Variants in TENM1 observed in about 807,000 individuals in gnomAD.
TENM1 encodes teneurin transmembrane protein 1.
TENM1 carries 35 observed loss-of-function variants against 174.8 expected under a neutral mutation model. The ratio of observed to expected loss-of-function variants is 0.20; its 90% CI spans 0.15 to 0.27. TENM1 has a LOEUF of 0.27. TENM1 is among the 10% of genes least tolerant of loss of function. The probability of loss-of-function intolerance (pLI) is 1.00; values close to 1 mark genes in which losing one functional copy is unlikely to be tolerated. For synonymous variants in TENM1, 781 were observed against 798.7 expected (o/e 0.98, Z 0.37); for missense variants, 1,633 against 2,130.1 (o/e 0.77, Z 4.59).
intron 5 of TENM1, among the ~76,000 whole-genome samples, chrX:124,683,379 A>T (rs2052283198): frequency 8.9e-6 from 1 of 112,075 alleles, no homozygotes; most frequent in African/African-American, 3.2e-5. Context: ...TTTAGTACTG[A>T]AGTAATTTGA....
the TENM1 span, among the ~76,000 whole-genome samples, chrX:125,112,372 AT>A: frequency 9.1e-6 from 1 of 110,274 alleles, no homozygotes; most frequent in Non-Finnish European, 1.9e-5. Context: ...AGGAAAAAGT[AT>A]TTTTATGGCC....
At chrX:124,384,334 A>G in exon 30 of TENM1, 2 of 1,210,665 alleles carry the variant, frequency 1.7e-6, no homozygotes, top group Non-Finnish European at 2.2e-6. Context: ...ATCGGAGAGG[A>G]GTAAGACGAG....
At chrX:124,687,459 C>T (rs2052395839) in intron 5 of TENM1, among the ~76,000 whole-genome samples, 1 of 111,879 alleles carries the variant, frequency 8.9e-6, no homozygotes, top group Non-Finnish European at 1.9e-5. Context: ...AAAAGTAAAA[C>T]CCCAAACCAT....
chrX:124,471,320 TTATAATATATAGTACTA>T (rs2061314242), intron 22 of TENM1, among the ~76,000 whole-genome samples: 1 of 10,743 alleles, frequency 9.3e-5, no homozygotes, highest in African/African-American at 4.1e-4. Flanking sequence ...GTACTATATA[TTATAATATATAGTACTA>T]TATATAATAT....
At chrX:124,924,716 A>G (rs1344535744) in intron 1 of TENM1, among the ~76,000 whole-genome samples, 1 of 111,763 alleles carries the variant, frequency 8.9e-6, no homozygotes, top group African/African-American at 3.3e-5. Flanking sequence ...TTTTCCGGAC[A>G]GGGATGAAAA....
At chrX:124,876,308 C>G (rs1046053893) in intron 3 of TENM1, among the ~76,000 whole-genome samples, 7 of 111,576 alleles carry the variant, frequency 6.3e-5, no homozygotes, top group Non-Finnish European at 9.4e-5. Context: ...TTTGGTTTAT[C>G]TACATTGATG....
At chrX:124,704,980 G>T in intron 5 of TENM1, 33 bp downstream of exon 8, 1 of 1,109,630 alleles carries the variant, frequency 9.0e-7, no homozygotes, top group South Asian at 2.0e-5. Flanking sequence ...CTTTGATTAA[G>T]AACAAAACTG....
At chrX:124,708,108 A>AC (rs1215321397) in intron 4 of TENM1, among the ~76,000 whole-genome samples, 2 of 112,715 alleles carry the variant, frequency 1.8e-5, no homozygotes, top group African/African-American at 6.4e-5. Context: ...ATTTTAATGT[A>AC]CAACAAAAAA....
intron 3 of TENM1, among the ~76,000 whole-genome samples, chrX:124,760,938 G>A (rs1187114742): frequency 8.9e-6 from 1 of 112,112 alleles, no homozygotes; most frequent in African/African-American, 3.2e-5. Context: ...ATAGACACAT[G>A]AAAAAATGCT....
chrX:125,187,341 C>A, the TENM1 span, among the ~76,000 whole-genome samples: 1 of 112,020 alleles, frequency 8.9e-6, no homozygotes, highest in South Asian at 3.7e-4. Flanking sequence ...CAGTAGGTAC[C>A]AAAACCCTTA....
the TENM1 span, among the ~76,000 whole-genome samples, chrX:125,184,203 T>C: frequency 8.9e-6 from 1 of 111,893 alleles, no homozygotes; most frequent in Admixed American, 9.5e-5. Flanking sequence ...CATTTTCCTC[T>C]CCATTCTGAT....
chrX:124,974,048 C>A, the TENM1 span, among the ~76,000 whole-genome samples: 1 of 110,384 alleles, frequency 9.1e-6, no homozygotes, highest in African/African-American at 3.3e-5. Context: ...TGTAGCAAAC[C>A]TGAATGTTCT....
intron 3 of TENM1, among the ~76,000 whole-genome samples, chrX:124,792,668 C>A (rs1489728278): frequency 9.0e-6 from 1 of 111,114 alleles, no homozygotes; most frequent in Non-Finnish European, 1.9e-5. Context: ...TGAAACCTAG[C>A]CATGAGAAAA....
intron 3 of TENM1, among the ~76,000 whole-genome samples, chrX:124,786,337 G>A (rs1235262219): frequency 9.0e-6 from 1 of 111,309 alleles, no homozygotes; most frequent in East Asian, 2.8e-4. Context: ...AATAACTGGT[G>A]CTCTGTTAAA....
At chrX:124,796,678 T>C (rs769525420) in intron 3 of TENM1, among the ~76,000 whole-genome samples, 1 of 111,619 alleles carries the variant, frequency 9.0e-6, no homozygotes, top group East Asian at 2.8e-4. Flanking sequence ...ATAGAAGATA[T>C]GGTATATCAG....
At chrX:124,587,696 A>C (rs2049577895) in intron 11 of TENM1, among the ~76,000 whole-genome samples, 1 of 111,395 alleles carries the variant, frequency 9.0e-6, no homozygotes, top group Admixed American at 9.5e-5. Flanking sequence ...AATGGGATCT[A>C]ATTAAACTAA....
chrX:124,680,003 G>C (rs915374101), intron 5 of TENM1, among the ~76,000 whole-genome samples: 1 of 111,423 alleles, frequency 9.0e-6, no homozygotes, highest in Non-Finnish European at 1.9e-5. Flanking sequence ...AAAAGCTGTT[G>C]TGTCGTATAT....
intron 23 of TENM1, among the ~76,000 whole-genome samples, chrX:124,452,161 CA>C (rs1190826199): frequency 8.9e-6 from 1 of 112,240 alleles, no homozygotes; most frequent in East Asian, 2.8e-4. Context: ...ACAAAGAACT[CA>C]AACAAATTTA....
intron 27 of TENM1, among the ~76,000 whole-genome samples, chrX:124,398,625 T>C (rs1268412178): frequency 9.9e-6 from 1 of 100,611 alleles, no homozygotes; most frequent in African/African-American, 3.4e-5. Flanking sequence ...CAGGATTTTC[T>C]TTTTTTCTTT....
Sources: allele counts gnomAD v4.1 joint callset (sites outside exome capture counted in the v4.1 genomes callset), GRCh38; gene constraint gnomAD v4.1.1; transcripts MANE v1.5; gene names NCBI Gene and HGNC (gene_info 2026-07-23, HGNC 2026-07-21).